The following LAMA5 variants were observed in gnomAD, a reference collection of about 807,000 sequenced individuals.
LAMA5 encodes the protein laminin subunit alpha 5.
LAMA5 carries 260 observed loss-of-function variants against 433.4 expected under a neutral mutation model. That is an observed-to-expected ratio of 0.60 (90% confidence interval 0.54 to 0.66). The LOEUF (loss-of-function observed/expected upper bound fraction) is 0.66, where lower values mean the gene tolerates loss of function less well. Ranked by LOEUF, LAMA5 falls within the 30% of genes least tolerant of loss-of-function variation. The probability of loss-of-function intolerance (pLI) is 0.00; values close to 1 mark genes in which losing one functional copy is unlikely to be tolerated. For missense variants in LAMA5, 5,378 were observed against 5,258.5 expected (o/e 1.02, Z -0.70); for synonymous variants, 2,620 against 2,226.6 (o/e 1.18, Z -4.97).
chr20:62,331,164 T>C (rs1159363710), intron 28 of LAMA5, 35 bp from the exon 29 acceptor site: 1 of 1,273,530 alleles, frequency 7.9e-7, no homozygotes. Context: ...GCAACGCCCG[T>C]GGTGCGGGGA....
At chr20:62,360,151 C>G (rs940142027) in intron 2 of LAMA5, among the ~76,000 whole-genome samples, 1 of 150,926 alleles carries the variant, frequency 6.6e-6, no homozygotes, top group African/African-American at 2.4e-5. Context: ...AGGCTGGCAG[C>G]CCCCTGGCCT....
At position 62,312,207 on chromosome 20, in the gene LAMA5, T is replaced by C; in HGVS notation, c.9470A>G (p.Gln3157Arg). 6.2e-7 allele frequency: 1 copy of C among 1,610,508 alleles called. No homozygotes were observed. Among genetic ancestry groups the C allele is most frequent in the Non-Finnish European group, 8.5e-7 (1 of 1,179,198 alleles). Residue 3157 changes from glutamine to arginine, a missense_variant, in exon 69 of 80, where the codon CAG becomes CGG. Gln to Arg is a conservative substitution (Grantham distance 43). Coordinates refer to ENST00000252999, the MANE Select transcript of LAMA5 (RefSeq NM_005560.6). ...VYSGFGFHSA[Q>R]DSALLYYRAS... ...CCGGTAGTAGAGCAGGGCACTGTCC[T>C]GGGCGCTGTGGAAGCCGAAGCCGGA...
In LAMA5 at chr20:62,316,074, C is replaced by T; in HGVS notation, c.7757-16G>A. The T allele has an allele frequency of 6.3e-7, 1 of 1,576,450 alleles. No individual in the cohort carries two copies. The highest frequency in any genetic ancestry group is 8.7e-7 in the Non-Finnish European group (1 of 1,155,814). On this transcript the variant is annotated splice_polypyrimidine_tract_variant and intron_variant, in intron 57 of 79. Transcript: ENST00000252999. ...GCAGCCCACACTGCGGGGGAGGCAG[C>T]TTCAGCTCCCAGGCAGCTTCACCCC...
chr20:62,310,376 C>T, intron 76 of LAMA5, 43 bp downstream of exon 76: 1 of 1,565,658 alleles, frequency 6.4e-7, no homozygotes, highest in Non-Finnish European at 8.6e-7. Context: ...CTGGAGCCCC[C>T]TGCCCTGCCC....
chr20:62,331,936 C>T (rs1980535089), intron 28 of LAMA5, among the ~76,000 whole-genome samples: 1 of 151,982 alleles, frequency 6.6e-6, no homozygotes, highest in Non-Finnish European at 1.5e-5. Flanking sequence ...CCTATAGTCT[C>T]AGGTACTTGG....
rs535860196 is a variant in LAMA5 at position 62,359,252 on chromosome 20, G to A, written c.450+3148C>T. 5.3e-5 allele frequency among the ~76,000 whole-genome samples: 8 copies of A among 152,234 alleles called. No individual in the cohort carries two copies. The highest frequency in any genetic ancestry group is 2.6e-4 in the Admixed American group (4 of 15,308). ...CTGCTGGGGAGAGCCCCGCCCCCAC[G>A]GTCAGGCCACCCAGGGGCCGACTGG... is the stretch of plus-strand genomic sequence containing the variant. On this transcript the variant is annotated intron_variant, in intron 2 of 79. Transcript: ENST00000252999. This position sits in a 1 kb window ranked among gnomAD's most constrained non-coding sequence, Gnocchi z 4.3.
intron 2 of LAMA5, among the ~76,000 whole-genome samples, chr20:62,360,627 G>T (rs180895071): frequency 9.6e-5 from 6 of 62,370 alleles, no homozygotes; most frequent in Non-Finnish European, 1.1e-4. Flanking sequence ...GGTGGGTGGA[G>T]GGATAGATGG....
Position 62,323,767 on chromosome 20 carries a change from C to T in LAMA5, c.5849+9G>A, listed in dbSNP as rs748281274. 6.2e-7 allele frequency: 1 copy of T among 1,608,632 alleles called. No homozygotes were observed. Among genetic ancestry groups the T allele is most frequent in the Non-Finnish European group, 8.5e-7 (1 of 1,177,690 alleles). Reference sequence around the variant, plus strand: ...CAGGCCCTGCCCCACTGCCCTAGCCCCAGCTCACCGCTCGCAGGAGGCACC... The same window carrying T: ...CAGGCCCTGCCCCACTGCCCTAGCCTCAGCTCACCGCTCGCAGGAGGCACC... On this transcript the variant is annotated intron_variant, in intron 44 of 79. Coordinates refer to ENST00000252999, the MANE Select transcript of LAMA5 (RefSeq NM_005560.6).
In LAMA5 at chr20:62,323,532, G is replaced by A. The variant is rs1357870050; in HGVS notation, c.5988C>T (p.Arg1996=). Residue 1996 remains arginine, a synonymous_variant, in exon 45 of 80, where the codon CGC becomes CGT. Coordinates refer to ENST00000252999, the MANE Select transcript of LAMA5 (RefSeq NM_005560.6). ...PLTGACRGCL[R]HTTGPRCEIC... ...TCTCGCAGCGGGGCCCAGTGGTGTG[G>A]CGCAGGCAGCCACGGCAGGCGCCCG... The A allele has an allele frequency of 8.8e-6, 14 of 1,582,768 alleles. No individual in the cohort carries two copies. Among genetic ancestry groups the A allele is most frequent in the African/African-American group, 1.3e-5 (1 of 74,724 alleles).
chr20:62,362,127 A>G (rs1986193320), intron 2 of LAMA5, among the ~76,000 whole-genome samples: 1 of 152,162 alleles, frequency 6.6e-6, no homozygotes, highest in South Asian at 2.1e-4. Flanking sequence ...TCTACTCAGC[A>G]CCCGCAACCA....
Position 62,329,925 on chromosome 20 carries a change from G to A in LAMA5, c.3980-9C>T. On this transcript the variant is annotated splice_polypyrimidine_tract_variant and intron_variant, in intron 31 of 79. Coordinates refer to ENST00000252999, the MANE Select transcript of LAMA5 (RefSeq NM_005560.6). The stretch of plus-strand genomic sequence containing the variant: ...GCTGGCGTTGGCGTGGCCTGGGCGG[G>A]GGAGAAAGGCAGGGTCAGGCCCCCA... 6.2e-7 allele frequency: 1 copy of A among 1,610,102 alleles called. No individual in the cohort carries two copies. The highest frequency in any genetic ancestry group is 1.1e-5 in the South Asian group (1 of 90,866).
chr20:62,345,618 G>C (rs931416910), intron 11 of LAMA5, 200 bp downstream of exon 11: 2 of 658,326 alleles, frequency 3.0e-6, no homozygotes, highest in Non-Finnish European at 5.5e-6. Flanking sequence ...TGTTGCCTGG[G>C]CTAACTTTTT....
Position 62,310,209 on chromosome 20 carries a change from G to T in LAMA5, c.10703C>A (p.Pro3568His), listed in dbSNP as rs1019745323. ...CTCGGTCACCTGCAACTGCAAGTAG[G>T]GGGGCGTCCGGGCCTGGCCCAAGTG... The part of the protein sequence containing the change: ...IFHLGQARTP[P>H]YLQLQVTEKQ... The change falls in exon 77 of 80, where the codon CCC (proline) becomes CAC (histidine). Residue 3568 changes from proline (P) to histidine (H), a missense_variant. Physicochemically the swap from Pro to His is moderately conservative, Grantham distance 77 (BLOSUM62 -2). Coordinates refer to ENST00000252999, the MANE Select transcript of LAMA5 (RefSeq NM_005560.6). 3.7e-6 allele frequency: 6 copies of T among 1,612,472 alleles called. No individual in the cohort carries two copies. Among genetic ancestry groups the T allele is most frequent in the South Asian group, 3.3e-5 (3 of 91,088 alleles).
rs747857822 is a variant in LAMA5, at chr20:62,313,441, A to C, written c.8678T>G (p.Phe2893Cys). Residue 2893 changes from phenylalanine (F) to cysteine (C), a missense_variant, in exon 64 of 80, where the codon TTC becomes TGC. Transcript: ENST00000252999. ...CTCGATGCAGCCCCGGTAGCCGGGG[A>C]AGCGAAGCAGGGGAGGGGGCTGTGG... The part of the protein sequence containing the change: ...STFTPPPLLR[F>C]PGYRGCIEMD... 3.1e-6 allele frequency: 5 copies of C among 1,609,690 alleles called. No homozygotes were observed. The South Asian group carries it at 5.5e-5, about 18-fold the overall frequency.
chr20:62,324,121 G>A lies in LAMA5; in HGVS notation c.5727C>T (p.Pro1909=), dbSNP rs1359733869. ...AGAGGGGGCAGGGGCAGCTGACACAGGGGGCGCTGGGGTCGTCCCTGCTGC... is the reference window on the plus strand; with the variant it reads ...AGAGGGGGCAGGGGCAGCTGACACAAGGGGCGCTGGGGTCGTCCCTGCTGC... The part of the protein sequence containing the change: ...FVSSRDDPSA[P]CVSCPCPLSV... Residue 1909 remains proline, a synonymous_variant, in exon 43 of 80, where the codon CCC becomes CCT. Coordinates refer to ENST00000252999, the MANE Select transcript of LAMA5 (RefSeq NM_005560.6). This position sits in a 1 kb window ranked among gnomAD's most constrained non-coding sequence, Gnocchi z 4.4. 1 of 1,529,314 alleles carries A rather than the reference G, an allele frequency of 6.5e-7. No homozygotes were observed. Among genetic ancestry groups the A allele is most frequent in the Admixed American group, 2.3e-5 (1 of 42,820 alleles). 94.7% of individuals were successfully genotyped at this position (1,529,314 alleles called of 1,614,324 possible).
At position 62,314,399 on chromosome 20, in the gene LAMA5, C is replaced by G. The variant is rs770532089; in HGVS notation, c.8409G>C (p.Lys2803Asn). ...CACCCAGCTGATACACCCAGTGCAC[C>G]TTCTTGTCACGCAGAGACACACCCA... ...DYMGVSLRDK[K>N]VHWVYQLGEA... Residue 2803 changes from lysine to asparagine, a missense_variant, in exon 62 of 80, where the codon AAG (lysine) becomes AAC (asparagine). Transcript: ENST00000252999. 3.1e-6 allele frequency: 5 copies of G among 1,613,488 alleles called. No individual in the cohort carries two copies. Among genetic ancestry groups the G allele is most frequent in the Non-Finnish European group, 3.4e-6 (4 of 1,179,954 alleles).
rs1601260435 is a variant in LAMA5 at position 62,309,607 on chromosome 20, A to T, written c.10948+109T>A. 34 of 339,994 alleles carry T rather than the reference A, an allele frequency of 1.0e-4. 1 individual carries two copies. In the Admixed American group the frequency reaches 1.3e-3, roughly 13 times the overall value. 21.1% of individuals were successfully genotyped at this position (339,994 alleles called of 1,614,324 possible). A position where few individuals can be genotyped will look rare whatever the true frequency, so the allele number is the denominator to read the frequency against. On this transcript the variant is annotated intron_variant, in intron 79 of 79. Transcript: ENST00000252999. ...CATAGGAGGGTGGTAGGGGGGTGGG[A>T]GGAGGGTGGGAGGGGGCAGGGGGTG...
intron 11 of LAMA5, among the ~76,000 whole-genome samples, chr20:62,344,527 C>T (rs1018344395): frequency 1.3e-5 from 2 of 151,934 alleles, no homozygotes; most frequent in African/African-American, 4.8e-5. Context: ...TGGTGGTTCT[C>T]AGCTCACTGC....
intron 63 of LAMA5, 26 bp from the exon 64 acceptor site, chr20:62,313,486 C>A: frequency 6.3e-7 from 1 of 1,580,956 alleles, no homozygotes; most frequent in Non-Finnish European, 8.6e-7. Flanking sequence ...TGGGTCAGGG[C>A]ACCTGGCCTG....
Sources: gnomAD v4.1 joint callset for allele counts (sites outside exome capture counted in the v4.1 genomes callset) on GRCh38, gnomAD v4.1.1 for gene constraint, Gnocchi (gnomAD v3.1) non-coding constraint, MANE v1.5 for transcripts, NCBI Gene and HGNC (gene_info 2026-07-23, HGNC 2026-07-21) for gene names.